Variants in SAMD3 observed in about 807,000 individuals in gnomAD.
SAMD3 encodes sterile alpha motif domain-containing protein 3.
A neutral mutation model predicts 58.5 loss-of-function variants in SAMD3; 63 were observed. The observed-to-expected ratio is 1.08, with a 90% CI of 0.88 to 1.33. The LOEUF is 1.33. Among genes scored for constraint, SAMD3 ranks in the 40% most tolerant of loss-of-function variants. The pLI is 0.00. For missense variants in SAMD3, 604 were observed against 608.4 expected (o/e 0.99, Z 0.08); for synonymous variants, 220 against 210.3 (o/e 1.05, Z -0.40).
At chr6:130,159,546 C>G (rs748887073) in intron 8 of SAMD3, 1 of 152,128 alleles carries the variant, frequency 6.6e-6, no homozygotes, top group African/African-American at 2.4e-5. Context: ...TGATTCAGTT[C>G]GAGGAAGTTG....
At chr6:130,184,662 C>T in intron 5 of SAMD3, 39 bp from the exon 6 acceptor site, 1 of 1,513,616 alleles carries the variant, frequency 6.6e-7, no homozygotes, top group Non-Finnish European at 9.0e-7. Context: ...AATTCTATTC[C>T]AAATATATGC....
intron 9 of SAMD3, among the ~76,000 whole-genome samples, chr6:130,147,389 C>G (rs899949746): frequency 6.6e-6 from 1 of 152,124 alleles, no homozygotes; most frequent in Non-Finnish European, 1.5e-5. Context: ...AGATTAATAC[C>G]GTTAGAAAAC....
At chr6:130,248,659 C>T (rs2114906010) in intron 2 of SAMD3, among the ~76,000 whole-genome samples, 1 of 152,284 alleles carries the variant, frequency 6.6e-6, no homozygotes, top group South Asian at 2.1e-4. Flanking sequence ...GAAGACGCTC[C>T]AAGCATGGCA....
At chr6:130,192,551 C>T (rs1004773254) in intron 5 of SAMD3, among the ~76,000 whole-genome samples, 2 of 152,032 alleles carry the variant, frequency 1.3e-5, no homozygotes, top group African/African-American at 2.4e-5. Context: ...AGAACAACCC[C>T]CCTTTTTCCT....
chr6:130,215,762 A>G (rs1445178213), intron 2 of SAMD3: 3 of 1,515,850 alleles, frequency 2.0e-6, no homozygotes, highest in South Asian at 2.4e-5. Flanking sequence ...AGAGATACTT[A>G]GTAAACTGGT....
Position 130,337,565 on chromosome 6 carries a change from C to A in SAMD3, c.-303-24472G>T, listed in dbSNP as rs59028804. 4.1e-3 allele frequency among the ~76,000 whole-genome samples: 620 copies of A among 152,184 alleles called. 4 individuals are homozygous for A. Among genetic ancestry groups the A allele is most frequent in the African/African-American group, 0.014 (574 of 41,514 alleles). On this transcript the variant is annotated intron_variant, in intron 1 of 13. Coordinates refer to the SAMD3 transcript ENST00000368134. ...TTTGGGTAATAGGCAGAGGTAGGAACAATTTGGAGGGCCTAGAAGAAGAAA... is the reference window on the plus strand; with the variant it reads ...TTTGGGTAATAGGCAGAGGTAGGAAAAATTTGGAGGGCCTAGAAGAAGAAA...
chr6:130,192,567 T>C (rs2114744041), intron 5 of SAMD3, among the ~76,000 whole-genome samples: 1 of 148,950 alleles, frequency 6.7e-6, no homozygotes. Context: ...TTCCTTTACC[T>C]TCCCAAATCC....
At chr6:130,247,069 C>G (rs138050681) in intron 2 of SAMD3, among the ~76,000 whole-genome samples, 1 of 152,244 alleles carries the variant, frequency 6.6e-6, no homozygotes. Flanking sequence ...GATTTCCTGT[C>G]TAGAGCAAGA....
intron 2 of SAMD3, among the ~76,000 whole-genome samples, chr6:130,306,930 T>C (rs1775928585): frequency 6.6e-6 from 1 of 152,248 alleles, no homozygotes; most frequent in Non-Finnish European, 1.5e-5. Context: ...TTTTAACTAC[T>C]ACTTCACTAC....
At chr6:130,156,085 T>C (rs904864689) in intron 8 of SAMD3, among the ~76,000 whole-genome samples, 1 of 152,042 alleles carries the variant, frequency 6.6e-6, no homozygotes, top group African/African-American at 2.4e-5. Context: ...ACACCTGTAA[T>C]CCCAGCACTT....
chr6:130,263,096 A>G (rs1307749814), intron 2 of SAMD3, among the ~76,000 whole-genome samples: 1 of 152,230 alleles, frequency 6.6e-6, no homozygotes. Context: ...AATTTAACTT[A>G]TCTGGTATAA....
At chr6:130,220,908 C>T (rs1210486829) in intron 1 of SAMD3, among the ~76,000 whole-genome samples, 3 of 151,848 alleles carry the variant, frequency 2.0e-5, no homozygotes, top group South Asian at 4.1e-4. Flanking sequence ...GGCTGGAGTG[C>T]AGTGGCACGA....
chr6:130,234,088 A>G (rs1796618645), intron 2 of SAMD3, among the ~76,000 whole-genome samples: 1 of 152,228 alleles, frequency 6.6e-6, no homozygotes, highest in African/African-American at 2.4e-5. Flanking sequence ...GCTATTAGCA[A>G]CACAGAAGAG....
intron 1 of SAMD3, among the ~76,000 whole-genome samples, chr6:130,325,900 C>T (rs1368437569): frequency 2.0e-5 from 3 of 152,168 alleles, no homozygotes; most frequent in African/African-American, 7.2e-5. Flanking sequence ...GTTGACCGGC[C>T]TGGCTTTCAC....
chr6:130,305,997 A>G (rs1402344143), intron 2 of SAMD3, among the ~76,000 whole-genome samples: 1 of 152,214 alleles, frequency 6.6e-6, no homozygotes, highest in Non-Finnish European at 1.5e-5. Context: ...ATGCCTTACA[A>G]TGTGTCCTCA....
chr6:130,167,016 A>G (rs924253363), intron 8 of SAMD3, among the ~76,000 whole-genome samples: 8 of 152,102 alleles, frequency 5.3e-5, no homozygotes, highest in Non-Finnish European at 1.0e-4. Flanking sequence ...AACCCAAAGA[A>G]AGGACACATA....
intron 2 of SAMD3, chr6:130,215,707 G>T: frequency 6.8e-7 from 1 of 1,461,428 alleles, no homozygotes; most frequent in Non-Finnish European, 9.1e-7. Context: ...TTACAGAAGG[G>T]GTGGGCAGGA....
At chr6:130,281,742 A>G (rs145617297) in intron 2 of SAMD3, among the ~76,000 whole-genome samples, 3,830 of 152,150 alleles carry the variant, frequency 0.025, 67 homozygotes, top group Non-Finnish European at 0.04. Context: ...AACATGGAGA[A>G]ACCATGTCTC....
chr6:130,156,624 T>C (rs1353916842), intron 8 of SAMD3, among the ~76,000 whole-genome samples: 1 of 152,100 alleles, frequency 6.6e-6, no homozygotes, highest in Non-Finnish European at 1.5e-5. Context: ...GGGGCCACTG[T>C]TATAGAAAGA....
Sources: gnomAD v4.1 joint callset for allele counts (sites outside exome capture counted in the v4.1 genomes callset) on GRCh38, gnomAD v4.1.1 for gene constraint, MANE v1.5 for transcripts, NCBI Gene and HGNC (gene_info 2026-07-23, HGNC 2026-07-21) for gene names.